Variants in PRSS48 observed in about 807,000 individuals in gnomAD.
PRSS48 encodes the protein epidermis-specific serine protease-like protein.
Under a neutral mutation model 25.6 loss-of-function variants are expected in PRSS48, and 21 were observed. The observed-to-expected ratio is 0.82, with a 90% CI of 0.58 to 1.18. PRSS48 has a LOEUF of 1.18. Ranked by LOEUF, PRSS48 falls within the 50% of genes most tolerant of loss-of-function variation. The probability of loss-of-function intolerance (pLI) is 0.00; values close to 1 mark genes in which losing one functional copy is unlikely to be tolerated. For missense variants in PRSS48, 373 were observed against 399.3 expected, an observed-to-expected ratio of 0.93 and a Z score of 0.56; for synonymous variants, 150 against 149.3, an observed-to-expected ratio of 1.00 and a Z score of -0.04.
intron 4 of PRSS48, 128 bp from the exon 5 acceptor site, chr4:151,290,990 G>GC (rs1775277200): frequency 1.6e-6 from 1 of 645,134 alleles, no homozygotes; most frequent in African/African-American, 1.8e-5. Flanking sequence ...GATTAGTCCA[G>GC]CCCCCTGCAG....
chr4:151,288,648 G>A (rs1268128078), intron 4 of PRSS48, among the ~76,000 whole-genome samples: 2 of 151,670 alleles, frequency 1.3e-5, no homozygotes, highest in Non-Finnish European at 2.9e-5. Flanking sequence ...CAGCCTGGGC[G>A]GGGCAACGAA....
chr4:151,280,732 A>G (rs1401358817), intron 2 of PRSS48, among the ~76,000 whole-genome samples: 1 of 152,052 alleles, frequency 6.6e-6, no homozygotes, highest in Non-Finnish European at 1.5e-5. Flanking sequence ...TCAAGGCTGC[A>G]GTGACCTATG....
intron 4 of PRSS48, among the ~76,000 whole-genome samples, chr4:151,284,866 C>A (rs1774590676): frequency 6.6e-6 from 1 of 152,156 alleles, no homozygotes. Context: ...CTAACCTGCA[C>A]ATGTATGTAA....
exon 3 of PRSS48, chr4:151,282,260 G>C: frequency 6.2e-7 from 1 of 1,613,956 alleles, no homozygotes; most frequent in South Asian, 1.1e-5. Flanking sequence ...CAAGTACCAA[G>C]ATACAACGGC....
chr4:151,286,068 C>T (rs1580409621), intron 4 of PRSS48, among the ~76,000 whole-genome samples: 1 of 146,922 alleles, frequency 6.8e-6, no homozygotes, highest in East Asian at 2.0e-4. Context: ...TGGTGGTACA[C>T]TTGTGGTCCC....
chr4:151,285,308 C>T (rs547645347), intron 4 of PRSS48, among the ~76,000 whole-genome samples: 8 of 152,258 alleles, frequency 5.3e-5, no homozygotes, highest in Non-Finnish European at 1.0e-4. Flanking sequence ...ATATACTTTC[C>T]TCTTAAGTGC....
chr4:151,285,942 C>T lies in PRSS48; in HGVS notation c.651+2656C>T, dbSNP rs140123162. Among the ~76,000 whole-genome samples the T allele has an allele frequency of 1.7e-3, 249 of 150,712 alleles. 1 individual carries two copies. Among genetic ancestry groups the T allele is most frequent in the African/African-American group, 5.5e-3 (226 of 41,056 alleles). On this transcript the variant is annotated intron_variant, in intron 4 of 4. Coordinates refer to ENST00000455694, the Ensembl canonical transcript of PRSS48. ...GGGTGTGATGGCACATACCTGTAAT[C>T]GCAGCACTTTGGGAGGATAAGGTAG... is the stretch of plus-strand genomic sequence containing the variant.
At chr4:151,283,152 G>A (rs1316613299) in exon 4 of PRSS48, 2 of 1,613,722 alleles carry the variant, frequency 1.2e-6, no homozygotes, top group Non-Finnish European at 1.7e-6. Flanking sequence ...GGAAGCAGAA[G>A]TACCCATTAT....
At chr4:151,289,062 A>C (rs530467432) in intron 4 of PRSS48, among the ~76,000 whole-genome samples, 44 of 152,370 alleles carry the variant, frequency 2.9e-4, no homozygotes, top group South Asian at 8.3e-4. Flanking sequence ...AATAGGATTG[A>C]GTGTACAGAA....
intron 4 of PRSS48, among the ~76,000 whole-genome samples, chr4:151,284,111 T>C (rs1774509690): frequency 6.6e-6 from 1 of 152,210 alleles, no homozygotes; most frequent in Non-Finnish European, 1.5e-5. Flanking sequence ...ATCTATTCTT[T>C]AACATATTTC....
intron 4 of PRSS48, among the ~76,000 whole-genome samples, chr4:151,289,674 T>C (rs1775137782): frequency 6.6e-6 from 1 of 152,244 alleles, no homozygotes; most frequent in African/African-American, 2.4e-5. Context: ...GTGCAGCCTC[T>C]TTGAAAAACT....
chr4:151,283,172 G>A (rs757312488), exon 4 of PRSS48: 1 of 1,613,868 alleles, frequency 6.2e-7, no homozygotes, highest in Non-Finnish European at 8.5e-7. Context: ...TTGACCGCCA[G>A]GCTTGTGAAC....
intron 4 of PRSS48, 91 bp downstream of exon 4, chr4:151,283,377 G>C: frequency 8.7e-7 from 1 of 1,148,750 alleles, no homozygotes; most frequent in African/African-American, 1.5e-5. Context: ...TGGATTGGGA[G>C]TCAGGAGATG....
chr4:151,291,148 A>G, exon 5 of PRSS48: 1 of 1,613,534 alleles, frequency 6.2e-7, no homozygotes. Context: ...GTCGTGTCAC[A>G]TTGATGGTGT....
At position 151,291,191 on chromosome 4, in the gene PRSS48, T is replaced by A. The variant is rs751728355; in HGVS notation, c.725T>A (p.Leu242Ter). 2 of 1,613,938 alleles carry A rather than the reference T, an allele frequency of 1.2e-6. No homozygotes were observed. The highest frequency in any genetic ancestry group is 8.5e-7 in the Non-Finnish European group (1 of 1,179,842). ...CAGACAGGAGTAGTAAGCTGGGGATTAGAATGTGGTAAATCTCTTCCTGGA... is the reference window on the plus strand; with the variant it reads ...CAGACAGGAGTAGTAAGCTGGGGATAAGAATGTGGTAAATCTCTTCCTGGA... The change falls in exon 5 of 5, where the codon TTA becomes TAA. Residue 242 changes from leucine (L) to a stop codon, truncating the protein, a stop_gained. Transcript: ENST00000455694. LOFTEE classifies it low-confidence loss of function (END_TRUNC).
exon 5 of PRSS48, chr4:151,291,265 T>A: frequency 1.2e-6 from 2 of 1,614,026 alleles, no homozygotes; most frequent in Middle Eastern, 1.6e-4. Flanking sequence ...TGCCACTATT[T>A]CAAGAGCCAA....
At chr4:151,289,532 G>T (rs894904112) in intron 4 of PRSS48, among the ~76,000 whole-genome samples, 2 of 152,176 alleles carry the variant, frequency 1.3e-5, no homozygotes, top group African/African-American at 4.8e-5. Context: ...CATAAAAAGA[G>T]CACAGTTTTT....
At chr4:151,286,430 A>G (rs1774793625) in intron 4 of PRSS48, among the ~76,000 whole-genome samples, 1 of 151,490 alleles carries the variant, frequency 6.6e-6, no homozygotes, top group South Asian at 2.1e-4. Context: ...ACCTTACAGA[A>G]ATAAAAAGAA....
At chr4:151,291,171 A>T (rs1174881219) in exon 5 of PRSS48, 3 of 1,613,952 alleles carry the variant, frequency 1.9e-6, no homozygotes, top group Non-Finnish European at 2.5e-6. Flanking sequence ...GGATCCAGAC[A>T]GGAGTAGTAA....
Sources: gnomAD v4.1 joint callset for allele counts (sites outside exome capture counted in the v4.1 genomes callset) on GRCh38, gnomAD v4.1.1 for gene constraint, MANE v1.5 for transcripts, NCBI Gene and HGNC (gene_info 2026-07-23, HGNC 2026-07-21) for gene names.